Variants in MED13L observed in about 807,000 individuals in gnomAD.
The protein encoded by MED13L is mediator of RNA polymerase II transcription subunit 13-like.
MED13L carries 7 observed loss-of-function variants against 220.9 expected under a neutral mutation model. The observed-to-expected ratio is 0.03, with a 90% CI of 0.02 to 0.06. MED13L has a LOEUF of 0.06. MED13L is among the 10% of genes least tolerant of loss of function. The pLI is 1.00. For missense variants in MED13L, 1,965 were observed against 2,760.5 expected, an observed-to-expected ratio of 0.71 and a Z score of 6.46; for synonymous variants, 1,011 against 1,015.2, an observed-to-expected ratio of 1.00 and a Z score of 0.08.
intron 4 of MED13L, among the ~76,000 whole-genome samples, chr12:116,062,489 T>TG (rs1491319089): frequency 0.054 from 474 of 8,820 alleles, 2 homozygotes; most frequent in African/African-American, 0.17. Flanking sequence ...TCTCTCTGTG[T>TG]TTTTTTTTTT....
At chr12:116,181,482 A>AT (rs1436912941) in intron 2 of MED13L, among the ~76,000 whole-genome samples, 3 of 152,022 alleles carry the variant, frequency 2.0e-5, no homozygotes, top group Non-Finnish European at 4.4e-5. Flanking sequence ...CATCTCAATT[A>AT]TTTCTTTAAG....
intron 2 of MED13L, among the ~76,000 whole-genome samples, chr12:116,156,402 T>TAAAAAAAA (rs11366103): frequency 2.8e-4 from 34 of 119,438 alleles, no homozygotes; most frequent in Middle Eastern, 4.5e-3. Flanking sequence ...TCCAATTACT[T>TAAAAAAAA]AAAAAAAAAA....
chr12:116,110,576 T>C (rs1593055799), intron 3 of MED13L, among the ~76,000 whole-genome samples: 1 of 152,150 alleles, frequency 6.6e-6, no homozygotes, highest in Admixed American at 6.5e-5. Flanking sequence ...AGGATAATTA[T>C]ACAATCTCAT....
At chr12:116,264,263 G>C (rs764255373) in intron 1 of MED13L, among the ~76,000 whole-genome samples, 3 of 152,016 alleles carry the variant, frequency 2.0e-5, no homozygotes, top group African/African-American at 4.8e-5. Context: ...TATAAACAAT[G>C]GCAACATCAT....
chr12:115,986,197 T>G, intron 19 of MED13L, 69 bp downstream of exon 19: 1 of 1,436,786 alleles, frequency 7.0e-7, no homozygotes, highest in Non-Finnish European at 9.8e-7. Flanking sequence ...TGTCTTGAAA[T>G]TTAGTCATCA....
chr12:116,102,703 C>CCTTTTTTTTTTTTTT (rs1873175799), intron 3 of MED13L, among the ~76,000 whole-genome samples: 1 of 63,206 alleles, frequency 1.6e-5, no homozygotes, highest in African/African-American at 5.4e-5. Context: ...TTTTCTTTTT[C>CCTTTTTTTTTTTTTT]TTTTTTCTTT....
At chr12:116,141,339 A>G (rs965088138) in intron 2 of MED13L, among the ~76,000 whole-genome samples, 1 of 152,176 alleles carries the variant, frequency 6.6e-6, no homozygotes, top group Non-Finnish European at 1.5e-5. Context: ...TATAATCCTG[A>G]AGTTGATTTT....
intron 2 of MED13L, among the ~76,000 whole-genome samples, chr12:116,119,170 T>G (rs922440093): frequency 6.6e-6 from 1 of 152,152 alleles, no homozygotes; most frequent in Admixed American, 6.5e-5. Flanking sequence ...AAAATACTGA[T>G]TCTCTCTTTT....
chr12:116,019,589 G>C (rs1879932755), intron 6 of MED13L, among the ~76,000 whole-genome samples, 177 bp from the exon 7 acceptor site: 1 of 152,140 alleles, frequency 6.6e-6, no homozygotes, highest in Admixed American at 6.5e-5. Flanking sequence ...ATGATGATAA[G>C]AGCATTTGGA....
In MED13L at chr12:116,129,864, G is replaced by A. The variant is rs556812718; in HGVS notation, c.311-18352C>T. Reference sequence around the variant, plus strand: ...GTGGAGGTTGTAGTGAGCCGAGATCGTGCCACGGCACTCCAGCCTGGGCAA... The same window carrying A: ...GTGGAGGTTGTAGTGAGCCGAGATCATGCCACGGCACTCCAGCCTGGGCAA... On this transcript the variant is annotated intron_variant, in intron 2 of 30. Transcript: ENST00000281928. Among the ~76,000 whole-genome samples, 126 of 151,058 alleles carry A rather than the reference G, an allele frequency of 8.3e-4. 1 individual carries two copies. The highest frequency in any genetic ancestry group is 3.0e-3 in the African/African-American group (123 of 41,218).
rs141383577 is a variant in MED13L, at chr12:115,995,423, A to G, written c.2996+1053T>C. 5.3e-5 allele frequency among the ~76,000 whole-genome samples: 8 copies of G among 152,278 alleles called. No individual in the cohort carries two copies. In the East Asian group the frequency reaches 7.7e-4, roughly 15 times the overall value. On this transcript the variant is annotated intron_variant, in intron 16 of 30. Transcript: ENST00000281928. ...GGGAAAACTGATTCCATCATTGTTTAGCCTATCTGTTTGTTTTTGTGACAG... is the reference window on the plus strand; with the variant it reads ...GGGAAAACTGATTCCATCATTGTTTGGCCTATCTGTTTGTTTTTGTGACAG...
intron 1 of MED13L, among the ~76,000 whole-genome samples, chr12:116,264,281 A>G (rs1327184807): frequency 6.6e-6 from 1 of 152,196 alleles, no homozygotes; most frequent in East Asian, 1.9e-4. Flanking sequence ...CATTTGATCC[A>G]TTTCAAGGGG....
intron 1 of MED13L, 149 bp downstream of exon 1, chr12:116,276,911 A>AGG (rs1203223714): frequency 2.0e-6 from 2 of 997,640 alleles, no homozygotes; most frequent in South Asian, 1.4e-5. Flanking sequence ...ACGATCCAAA[A>AGG]GGGGGAGAAT....
At chr12:115,977,326 C>T (rs1226837842) in intron 23 of MED13L, among the ~76,000 whole-genome samples, 1 of 152,096 alleles carries the variant, frequency 6.6e-6, no homozygotes, top group African/African-American at 2.4e-5. Flanking sequence ...TAATATAACC[C>T]AACTCATTCA....
At chr12:116,250,120 A>AG (rs1354579699) in intron 1 of MED13L, among the ~76,000 whole-genome samples, 12 of 151,562 alleles carry the variant, frequency 7.9e-5, no homozygotes, top group Non-Finnish European at 1.2e-4. Flanking sequence ...AAGTCGGCAG[A>AG]GGAAAAAAAG....
chr12:116,045,881 A>AAT lies in MED13L; in HGVS notation c.480-23282_480-23281dup, dbSNP rs202104249. 7.6e-3 allele frequency among the ~76,000 whole-genome samples: 1,148 copies of AAT among 151,790 alleles called. 22 individuals carry two copies. Among genetic ancestry groups the AAT allele is most frequent in the African/African-American group, 0.026 (1,076 of 41,434 alleles). The stretch of plus-strand genomic sequence containing the variant: ...TAACAAGACATATTTTAGGTAGATA[A>AAT]ATATATATATATTTCTATAATAAAG... On this transcript the variant is annotated intron_variant, in intron 4 of 30. Transcript: ENST00000281928.
chr12:116,060,829 T>G (rs1164856520), intron 4 of MED13L, among the ~76,000 whole-genome samples: 1 of 152,172 alleles, frequency 6.6e-6, no homozygotes, highest in Non-Finnish European at 1.5e-5. Context: ...ATACTTGCTT[T>G]ACGGAGCTTT....
At chr12:116,268,179 G>T (rs964572852) in intron 1 of MED13L, among the ~76,000 whole-genome samples, 1 of 150,992 alleles carries the variant, frequency 6.6e-6, no homozygotes, top group Non-Finnish European at 1.5e-5. Context: ...GAGGTACACA[G>T]AGGGAGGTAG....
chr12:116,027,113 G>A (rs16946512), intron 4 of MED13L, among the ~76,000 whole-genome samples: 1 of 152,054 alleles, frequency 6.6e-6, no homozygotes, highest in Admixed American at 6.6e-5. Flanking sequence ...ACATTTTTCT[G>A]AACAGATCAT....
Sources: allele counts gnomAD v4.1 joint callset (sites outside exome capture counted in the v4.1 genomes callset), GRCh38; gene constraint gnomAD v4.1.1; transcripts MANE v1.5; gene names NCBI Gene and HGNC (gene_info 2026-07-23, HGNC 2026-07-21).